The following TRPS1 variants were observed in gnomAD, a reference collection of about 807,000 sequenced individuals.
The protein encoded by TRPS1 is transcriptional repressor GATA binding 1.
Under a neutral mutation model 101.2 loss-of-function variants are expected in TRPS1, and 6 were observed. That is an observed-to-expected ratio of 0.06 (90% CI 0.03 to 0.12). The LOEUF (loss-of-function observed/expected upper bound fraction) is 0.12. TRPS1 is among the 10% of genes least tolerant of loss of function. TRPS1 has a pLI of 1.00. For synonymous variants in TRPS1, 578 were observed against 589.8 expected, an observed-to-expected ratio of 0.98 and a Z score of 0.29; for missense variants, 1,363 against 1,567.0, an observed-to-expected ratio of 0.87 and a Z score of 2.20.
At chr8:115,474,987 T>C (rs1374365253) in intron 5 of TRPS1, among the ~76,000 whole-genome samples, 2 of 152,024 alleles carry the variant, frequency 1.3e-5, no homozygotes, top group African/African-American at 4.8e-5. Flanking sequence ...ATGAACTTTC[T>C]TTCTTCCTGA....
chr8:115,648,582 C>T (rs925722931), intron 1 of TRPS1, among the ~76,000 whole-genome samples: 4 of 152,136 alleles, frequency 2.6e-5, no homozygotes, highest in African/African-American at 7.2e-5. Flanking sequence ...CTCCAGAATC[C>T]GTGAAAAGAA....
intron 3 of TRPS1, among the ~76,000 whole-genome samples, chr8:115,614,561 C>G (rs1369820377): frequency 6.6e-6 from 1 of 152,130 alleles, no homozygotes; most frequent in African/African-American, 2.4e-5. Context: ...TTGAGGTGAG[C>G]ATATGTCTTA....
chr8:115,651,464 CAGT>C, intron 1 of TRPS1, among the ~76,000 whole-genome samples: 1 of 152,324 alleles, frequency 6.6e-6, no homozygotes, highest in African/African-American at 2.4e-5. Flanking sequence ...ACAATTTTCT[CAGT>C]ACCTGAAAGT....
intron 5 of TRPS1, among the ~76,000 whole-genome samples, chr8:115,428,590 G>A (rs1019414507): frequency 5.3e-5 from 8 of 152,266 alleles, no homozygotes; most frequent in Admixed American, 2.0e-4. Context: ...AGTTAAAAGA[G>A]TTAATGACAA....
chr8:115,584,191 C>T (rs1414019051), intron 5 of TRPS1, among the ~76,000 whole-genome samples: 1 of 151,900 alleles, frequency 6.6e-6, no homozygotes, highest in East Asian at 1.9e-4. Context: ...TTCTGTTGGG[C>T]AAGTTTTCCA....
chr8:115,504,350 T>A (rs982916293), intron 5 of TRPS1, among the ~76,000 whole-genome samples: 2 of 152,098 alleles, frequency 1.3e-5, no homozygotes, highest in African/African-American at 2.4e-5. Flanking sequence ...AATTCTATAT[T>A]TGCAAATCAA....
chr8:115,623,788 C>A, intron 1 of TRPS1, 30 bp from the exon 2 acceptor site: 1 of 1,429,410 alleles, frequency 7.0e-7, no homozygotes, highest in Non-Finnish European at 9.1e-7. Flanking sequence ...AAAAATTTTC[C>A]TTCCTAAATG....
intron 5 of TRPS1, chr8:115,511,343 T>C (rs1815577962): frequency 6.6e-6 from 1 of 151,956 alleles, no homozygotes; most frequent in African/African-American, 2.4e-5. Flanking sequence ...ATGTGTGCAT[T>C]GTATTGGCCT....
chr8:115,493,472 C>T lies in TRPS1; in HGVS notation c.2701-75020G>A, dbSNP rs958440446. 9.2e-5 allele frequency among the ~76,000 whole-genome samples: 14 copies of T among 152,244 alleles called. No individual in the cohort carries two copies. In the South Asian group the frequency reaches 2.9e-3, roughly 32 times the overall value. ...TCAAGTGTTTCTCCTGCCTCAGCCTCCCAAGTGGCTAGGATTACACATGTG... is the reference window on the plus strand; with the variant it reads ...TCAAGTGTTTCTCCTGCCTCAGCCTTCCAAGTGGCTAGGATTACACATGTG... On this transcript the variant is annotated intron_variant, in intron 5 of 6. Transcript: ENST00000395715.
chr8:115,465,585 T>C (rs960803740), intron 5 of TRPS1, among the ~76,000 whole-genome samples: 1 of 152,134 alleles, frequency 6.6e-6, no homozygotes, highest in African/African-American at 2.4e-5. Context: ...CATTGGTCTA[T>C]CCATTGAAAA....
chr8:115,414,534 C>A lies in TRPS1; in HGVS notation c.3374G>T (p.Arg1125Leu), dbSNP rs773593651. 6.2e-7 allele frequency: 1 copy of A among 1,613,720 alleles called. No homozygotes were observed. The highest frequency in any genetic ancestry group is 1.3e-5 in the African/African-American group (1 of 74,878). ...NDFQSEADWL[R>L]FWSKYKLSVP... ...GGAGAGCTTATATTTACTCCAGAAC[C>A]GCAGCCAATCAGCTTCACTCTGGAA... Residue 1125 changes from arginine to leucine, a missense_variant, in exon 7 of 7, where the codon CGG (arginine) becomes CTG (leucine). Physicochemically the swap from Arg to Leu is moderately radical, Grantham distance 102 (BLOSUM62 -2). Around this residue, in one of 5 missense-constraint regions of TRPS1, gnomAD observed 307 missense variants for 392.4 expected, o/e 0.78. Coordinates refer to ENST00000395715, the MANE Select transcript of TRPS1 (RefSeq NM_014112.5). This position sits in a 1 kb window ranked among gnomAD's most constrained non-coding sequence, Gnocchi z 4.8.
At chr8:115,427,742 A>G (rs974093276) in intron 5 of TRPS1, among the ~76,000 whole-genome samples, 1 of 151,820 alleles carries the variant, frequency 6.6e-6, no homozygotes, top group African/African-American at 2.4e-5. Context: ...GAGGTACCAG[A>G]AAGAAATGAG....
chr8:115,643,981 A>T (rs1156884143), intron 1 of TRPS1, among the ~76,000 whole-genome samples: 2 of 152,204 alleles, frequency 1.3e-5, no homozygotes, highest in African/African-American at 2.4e-5. Context: ...AGTGAGCAGT[A>T]ATACTTTTAA....
At chr8:115,617,520 T>C (rs906389798) in intron 3 of TRPS1, among the ~76,000 whole-genome samples, 2 of 152,150 alleles carry the variant, frequency 1.3e-5, no homozygotes, top group African/African-American at 2.4e-5. Context: ...GTAATTTTCG[T>C]TTTTAGAGTT....
intron 5 of TRPS1, among the ~76,000 whole-genome samples, chr8:115,534,735 A>C (rs1816239314): frequency 1.3e-5 from 2 of 152,350 alleles, no homozygotes; most frequent in South Asian, 4.1e-4. Flanking sequence ...GAGTGGTAAT[A>C]ATATATGATG....
At chr8:115,565,030 T>C (rs1586408304) in intron 5 of TRPS1, among the ~76,000 whole-genome samples, 1 of 151,916 alleles carries the variant, frequency 6.6e-6, no homozygotes, top group Admixed American at 6.6e-5. Flanking sequence ...GAGAGTTGAG[T>C]AGATGGAGAA....
chr8:115,609,691 A>T (rs1440831750), intron 3 of TRPS1, among the ~76,000 whole-genome samples: 1 of 152,240 alleles, frequency 6.6e-6, no homozygotes, highest in East Asian at 1.9e-4. Context: ...AAGTTATATA[A>T]AAACACCTAA....
intron 5 of TRPS1, among the ~76,000 whole-genome samples, chr8:115,564,544 G>A (rs947814193): frequency 4.6e-5 from 7 of 152,118 alleles, no homozygotes; most frequent in African/African-American, 7.2e-5. Context: ...TCTATGTCAT[G>A]TGACTAGACA....
chr8:115,638,222 A>G (rs987783407), intron 1 of TRPS1, among the ~76,000 whole-genome samples: 10 of 152,306 alleles, frequency 6.6e-5, no homozygotes, highest in African/African-American at 2.4e-4. Context: ...ATTCCATTTT[A>G]CACCAAAACT....
Sources: gnomAD v4.1 joint callset for allele counts (sites outside exome capture counted in the v4.1 genomes callset) on GRCh38, gnomAD v4.1.1 for gene constraint, gnomAD v4.1.1 regional missense constraint, Gnocchi (gnomAD v3.1) non-coding constraint, MANE v1.5 for transcripts, NCBI Gene and HGNC (gene_info 2026-07-23, HGNC 2026-07-21) for gene names.